Variants in LAMA1 observed in about 807,000 individuals in gnomAD.
LAMA1 encodes the protein laminin subunit alpha-1.
A neutral mutation model predicts 348.7 loss-of-function variants in LAMA1; 219 were observed. The observed-to-expected ratio is 0.63, with a 90% CI of 0.56 to 0.70. LAMA1 has a LOEUF of 0.70. Ranked by LOEUF, LAMA1 falls within the 30% of genes least tolerant of loss-of-function variation. The pLI is 0.00. For missense variants in LAMA1, 3,744 were observed against 3,888.0 expected, an observed-to-expected ratio of 0.96 and a Z score of 0.99; for synonymous variants, 1,487 against 1,491.0, an observed-to-expected ratio of 1.00 and a Z score of 0.06.
chr18:6,996,171 A>G (rs2057780322), intron 33 of LAMA1, among the ~76,000 whole-genome samples: 1 of 152,112 alleles, frequency 6.6e-6, no homozygotes, highest in Non-Finnish European at 1.5e-5. Flanking sequence ...TTTCAAAAAC[A>G]CTTTGTGACG....
At chr18:6,951,099 C>T in intron 57 of LAMA1, 128 bp from the exon 58 acceptor site, 1 of 816,038 alleles carries the variant, frequency 1.2e-6, no homozygotes. Flanking sequence ...GGTATTCATT[C>T]CTTCATCCAT....
chr18:7,073,863 T>A (rs915807523), intron 3 of LAMA1, among the ~76,000 whole-genome samples: 3 of 63,768 alleles, frequency 4.7e-5, no homozygotes, highest in African/African-American at 1.4e-4. Flanking sequence ...TGAGAAGGAG[T>A]CTTGCTCTGT....
intron 61 of LAMA1, among the ~76,000 whole-genome samples, chr18:6,943,693 A>C (rs1423955658): frequency 6.6e-6 from 1 of 151,938 alleles, no homozygotes; most frequent in East Asian, 2.0e-4. Flanking sequence ...TACTAAAAAC[A>C]CAAAAAAATT....
intron 3 of LAMA1, among the ~76,000 whole-genome samples, chr18:7,061,909 G>C (rs2058103236): frequency 6.6e-6 from 1 of 152,264 alleles, no homozygotes; most frequent in African/African-American, 2.4e-5. Context: ...AGAGCACACT[G>C]TGCCCTGGGG....
In LAMA1 at chr18:6,947,625, T is replaced by G. The variant is rs1004586631; in HGVS notation, c.8711-329A>C. On this transcript the variant is annotated intron_variant, in intron 60 of 62. Transcript: ENST00000389658. ...GTCTTTCCCGTGGGCTGTTGGGATT[T>G]GATCCCTGGAATCCCTTTATCATCA... 2.6e-5 allele frequency among the ~76,000 whole-genome samples: 4 copies of G among 152,354 alleles called. No individual in the cohort carries two copies. In the East Asian group the frequency reaches 7.7e-4, roughly 29 times the overall value.
At chr18:7,099,727 A>G (rs2058283559) in intron 1 of LAMA1, among the ~76,000 whole-genome samples, 1 of 151,960 alleles carries the variant, frequency 6.6e-6, no homozygotes, top group Non-Finnish European at 1.5e-5. Flanking sequence ...AATAAAAAAA[A>G]CCTATGGCAC....
intron 57 of LAMA1, among the ~76,000 whole-genome samples, chr18:6,952,447 G>A (rs1047050253): frequency 6.6e-6 from 1 of 152,156 alleles, no homozygotes; most frequent in Non-Finnish European, 1.5e-5. Flanking sequence ...TACTGTGCAT[G>A]TGTGTGCGGG....
intron 60 of LAMA1, 68 bp downstream of exon 60, chr18:6,948,331 CTCTT>C: frequency 6.3e-7 from 1 of 1,593,376 alleles, no homozygotes; most frequent in South Asian, 1.1e-5. Context: ...CTGTCTTATA[CTCTT>C]GGATCCACAT....
chr18:7,045,877 C>CAA (rs200030874), intron 6 of LAMA1, among the ~76,000 whole-genome samples: 2 of 149,434 alleles, frequency 1.3e-5, no homozygotes, highest in African/African-American at 4.9e-5. Context: ...GATTTAGCAC[C>CAA]AAAAAAAACG....
At chr18:7,059,219 A>C (rs988818813) in intron 3 of LAMA1, among the ~76,000 whole-genome samples, 1 of 152,186 alleles carries the variant, frequency 6.6e-6, no homozygotes, top group African/African-American at 2.4e-5. Context: ...CCTTGTCCCA[A>C]TAAAGTCCAC....
In LAMA1 at chr18:6,971,711, G is replaced by A. The variant is rs1600359951; in HGVS notation, c.6899+146C>T. 11 of 1,087,378 alleles carry A rather than the reference G, an allele frequency of 1.0e-5. No homozygotes were observed. In the East Asian group the frequency reaches 2.7e-4, roughly 27 times the overall value. 67.4% of individuals were successfully genotyped at this position (1,087,378 alleles called of 1,614,324 possible). A position where few individuals can be genotyped will look rare whatever the true frequency, so the allele number is the denominator to read the frequency against. Reference sequence around the variant, plus strand: ...TTTTTGACAATAAACGTATGAAAAAGCATGGCTTTGTAATTGGCAGCTAAA... The same window carrying A: ...TTTTTGACAATAAACGTATGAAAAAACATGGCTTTGTAATTGGCAGCTAAA... On this transcript the variant is annotated intron_variant, in intron 48 of 62. Coordinates refer to ENST00000389658, the MANE Select transcript of LAMA1 (RefSeq NM_005559.4).
intron 59 of LAMA1, 49 bp from the exon 60 acceptor site, chr18:6,948,605 G>C (rs759183942): frequency 6.2e-7 from 1 of 1,607,918 alleles, no homozygotes; most frequent in Non-Finnish European, 8.5e-7. Flanking sequence ...CTAATGGGAA[G>C]GGTTTGGACA....
chr18:7,034,926 T>C (rs542554909), intron 13 of LAMA1, among the ~76,000 whole-genome samples: 2 of 152,306 alleles, frequency 1.3e-5, no homozygotes, highest in South Asian at 4.1e-4. Context: ...TTCGCTGGGA[T>C]CTTGGAAAAG....
intron 42 of LAMA1, among the ~76,000 whole-genome samples, 174 bp downstream of exon 42, chr18:6,980,347 C>A (rs1166133623): frequency 6.6e-6 from 1 of 152,186 alleles, no homozygotes; most frequent in Non-Finnish European, 1.5e-5. Flanking sequence ...ATTTTAAAAA[C>A]CAATGATTTT....
chr18:6,997,474 C>T (rs1031654299), intron 33 of LAMA1, among the ~76,000 whole-genome samples: 7 of 152,198 alleles, frequency 4.6e-5, no homozygotes, highest in African/African-American at 1.7e-4. Context: ...ATGAGGGCCA[C>T]AGAGGGCAGC....
At chr18:7,022,442 C>T (rs373824131) in intron 19 of LAMA1, among the ~76,000 whole-genome samples, 88 of 152,314 alleles carry the variant, frequency 5.8e-4, no homozygotes, top group African/African-American at 2.0e-3. Context: ...AATCTCTCCA[C>T]GTGTGCCTGG....
rs1449127474 is a variant in LAMA1, at chr18:6,985,300, T to C, written c.5597A>G (p.Asp1866Gly). 1 of 1,614,192 alleles carries C rather than the reference T, an allele frequency of 6.2e-7. No individual in the cohort carries two copies. The highest frequency in any genetic ancestry group is 1.7e-5 in the Admixed American group (1 of 60,024). Residue 1866 changes from aspartate to glycine, a missense_variant, in exon 39 of 63, where the codon GAC becomes GGC. Asp to Gly is a moderately conservative substitution (Grantham distance 94). Coordinates refer to ENST00000389658, the MANE Select transcript of LAMA1 (RefSeq NM_005559.4). ...VMHMSQRNAVDLVYRAEDHAA... is the reference protein window; with the variant it reads ...VMHMSQRNAVGLVYRAEDHAA... ...ATGGTCCTCAGCTCTGTAGACCAGG[T>C]CGACTGCGTTCCTTTGGGACATGTG...
intron 44 of LAMA1, among the ~76,000 whole-genome samples, chr18:6,976,761 CAAGCCTGGTTATTATT>C (rs2057684469): frequency 6.6e-6 from 1 of 152,026 alleles, no homozygotes; most frequent in African/African-American, 2.4e-5. Flanking sequence ...TTCACACCAC[CAAGCCTGGTTATTATT>C]ATTATTTTTT....
chr18:6,994,917 C>T (rs532503089), intron 34 of LAMA1, among the ~76,000 whole-genome samples: 97 of 152,222 alleles, frequency 6.4e-4, no homozygotes, highest in African/African-American at 2.3e-3. Context: ...TGCACAGATG[C>T]CTCATCATGA....
Sources: gnomAD v4.1 joint callset for allele counts (sites outside exome capture counted in the v4.1 genomes callset) on GRCh38, gnomAD v4.1.1 for gene constraint, MANE v1.5 for transcripts, NCBI Gene and HGNC (gene_info 2026-07-23, HGNC 2026-07-21) for gene names.